Variants in SERINC5 observed in about 807,000 individuals in gnomAD.
The protein encoded by SERINC5 is chromosome 5 open reading frame 12.
SERINC5 carries 41 observed loss-of-function variants against 63.1 expected under a neutral mutation model. The observed-to-expected ratio is 0.65, with a 90% confidence interval of 0.51 to 0.84. The LOEUF is 0.84. SERINC5 is among the 40% of genes least tolerant of loss of function. SERINC5 has a pLI of 0.00. For synonymous variants in SERINC5, 222 were observed against 215.2 expected (o/e 1.03, Z -0.28); for missense variants, 523 against 573.0 (o/e 0.91, Z 0.89).
At chr5:80,176,676 A>T (rs893489246) in intron 4 of SERINC5, among the ~76,000 whole-genome samples, 1 of 152,138 alleles carries the variant, frequency 6.6e-6, no homozygotes, top group East Asian at 1.9e-4. Context: ...GCCTCAAGTG[A>T]TCCACCCACC....
At chr5:80,163,239 A>G (rs1316622012) in intron 7 of SERINC5, among the ~76,000 whole-genome samples, 3 of 152,092 alleles carry the variant, frequency 2.0e-5, no homozygotes, top group Admixed American at 1.3e-4. Context: ...GTTTTGGTGG[A>G]GCCTTTTGGG....
intron 5 of SERINC5, among the ~76,000 whole-genome samples, chr5:80,173,287 G>GAAGA: frequency 1.3e-5 from 2 of 148,644 alleles, no homozygotes; most frequent in Non-Finnish European, 3.0e-5. Context: ...GGAAGAAAAT[G>GAAGA]AAATGAAATG....
chr5:80,166,720 A>G, intron 6 of SERINC5: 2 of 360,080 alleles, frequency 5.6e-6, no homozygotes, highest in South Asian at 5.7e-5. Context: ...CAAGTTATCT[A>G]CCAATACTTT....
At chr5:80,118,472 G>A (rs1744416620) in intron 11 of SERINC5, among the ~76,000 whole-genome samples, 1 of 152,188 alleles carries the variant, frequency 6.6e-6, no homozygotes, top group South Asian at 2.1e-4. Flanking sequence ...AGTGTCTGGT[G>A]AGGTCTTTTA....
rs7725541 is a variant in SERINC5, at chr5:80,124,290, T to C, written c.1239-10665A>G. Among the ~76,000 whole-genome samples the C allele has an allele frequency of 2.3e-3, 351 of 152,306 alleles. 4 individuals are homozygous for C. Among genetic ancestry groups the C allele is most frequent in the African/African-American group, 8.0e-3 (331 of 41,560 alleles). ...CCAATCACATAGCATGCCGCACTTC[T>C]AGCTGGCCCACTTGCAGCTTCCCCG... On this transcript the variant is annotated intron_variant, in intron 11 of 12. Coordinates refer to the SERINC5 transcript ENST00000509193.
intron 2 of SERINC5, among the ~76,000 whole-genome samples, chr5:80,196,796 C>T (rs1337860245): frequency 2.0e-5 from 3 of 151,122 alleles, no homozygotes; most frequent in Non-Finnish European, 3.0e-5. Context: ...AAAAATTAAC[C>T]GGGCCTGGTA....
intron 2 of SERINC5, among the ~76,000 whole-genome samples, chr5:80,181,416 T>TTTGTG: frequency 6.9e-6 from 1 of 145,348 alleles, no homozygotes; most frequent in South Asian, 2.3e-4. Flanking sequence ...TCAGCTAATT[T>TTTGTG]TGTGTGTGTG....
chr5:80,163,376 A>G (rs1346220744), intron 7 of SERINC5, among the ~76,000 whole-genome samples: 2 of 152,132 alleles, frequency 1.3e-5, no homozygotes, highest in Non-Finnish European at 2.9e-5. Context: ...ACTATGGTGA[A>G]TAGGCATGGT....
At chr5:80,119,108 A>G (rs1255424999) in intron 11 of SERINC5, among the ~76,000 whole-genome samples, 2 of 152,062 alleles carry the variant, frequency 1.3e-5, no homozygotes, top group African/African-American at 4.8e-5. Context: ...ATATCTTTGA[A>G]CCTCAGCTTC....
chr5:80,182,542 CCG>C (rs1554065187), intron 2 of SERINC5, among the ~76,000 whole-genome samples: 3 of 43,406 alleles, frequency 6.9e-5, no homozygotes, highest in Non-Finnish European at 1.3e-4. Context: ...TATCATCTGA[CCG>C]CCCCCCCCCC....
intron 1 of SERINC5, among the ~76,000 whole-genome samples, chr5:80,246,636 T>C (rs1309086131): frequency 6.6e-6 from 1 of 152,170 alleles, no homozygotes; most frequent in Non-Finnish European, 1.5e-5. Flanking sequence ...AATTTTAATC[T>C]CACAAGGCAA....
intron 1 of SERINC5, among the ~76,000 whole-genome samples, chr5:80,206,811 C>CTT (rs35026792): frequency 0.18 from 21,409 of 117,560 alleles, 2,797 homozygotes; most frequent in East Asian, 0.55. Flanking sequence ...TCACTGATTG[C>CTT]TTTTTTTTTT....
intron 11 of SERINC5, among the ~76,000 whole-genome samples, chr5:80,120,606 G>A (rs1744502904): frequency 6.6e-6 from 1 of 152,062 alleles, no homozygotes; most frequent in African/African-American, 2.4e-5. Context: ...TTGAGGCCAG[G>A]AGTTTGAGAC....
chr5:80,166,459 G>C lies in SERINC5; in HGVS notation c.783C>G (p.Leu261=). The change falls in exon 7 of 12, where the codon CTC becomes CTG. Residue 261 remains leucine (L), a synonymous_variant. Coordinates refer to ENST00000507668, the MANE Select transcript of SERINC5 (RefSeq NM_001174072.3). ...WVQNRQPHSG[L]LQSGVISCYV... is the part of the protein sequence containing the mutation. ...AGCAGCTTATGACCCCTGATTGTAAGAGCCCCGAGTGTGGCTGTCCTGAAA... is the reference window on the plus strand; with the variant it reads ...AGCAGCTTATGACCCCTGATTGTAACAGCCCCGAGTGTGGCTGTCCTGAAA... 2 of 1,591,850 alleles carry C rather than the reference G, an allele frequency of 1.3e-6. No individual in the cohort carries two copies. The highest frequency in any genetic ancestry group is 1.3e-5 in the African/African-American group (1 of 74,584).
downstream of SERINC5, among the ~76,000 whole-genome samples, chr5:80,135,630 G>A (rs988020618): frequency 6.6e-6 from 1 of 152,104 alleles, no homozygotes; most frequent in African/African-American, 2.4e-5. Context: ...GATAGGTCAA[G>A]TAAAGTAAGG....
intron 1 of SERINC5, among the ~76,000 whole-genome samples, chr5:80,237,632 C>T (rs1051199483): frequency 1.3e-5 from 2 of 152,052 alleles, no homozygotes; most frequent in African/African-American, 4.8e-5. Context: ...ACCTCCCCAC[C>T]AGTTGCCAGT....
chr5:80,117,258 C>T (rs1200386720), intron 11 of SERINC5, among the ~76,000 whole-genome samples: 1 of 152,122 alleles, frequency 6.6e-6, no homozygotes, highest in Non-Finnish European at 1.5e-5. Context: ...GCCGTTTACT[C>T]ACAGTCCAAC....
rs1745385576 is a variant in SERINC5 at position 80,139,645 on chromosome 5, T to C, written c.*4018A>G. On this transcript the variant is annotated 3_prime_UTR_variant, in exon 12 of 12. Coordinates refer to ENST00000507668, the MANE Select transcript of SERINC5 (RefSeq NM_001174072.3). ...AACATCTGTGTGAACAGCTCTCCAG[T>C]ACTGTGAAGTCAAAGGCCCAACATT... is the stretch of plus-strand genomic sequence containing the variant. 1.0e-6 allele frequency: 1 copy of C among 980,110 alleles called. No individual in the cohort carries two copies. Among genetic ancestry groups the C allele is most frequent in the Non-Finnish European group, 1.2e-6 (1 of 829,752 alleles). 60.7% of individuals were successfully genotyped at this position (980,110 alleles called of 1,614,324 possible).
chr5:80,161,016 G>A (rs1005890790), intron 7 of SERINC5, among the ~76,000 whole-genome samples: 8 of 144,324 alleles, frequency 5.5e-5, no homozygotes, highest in South Asian at 2.2e-4. Context: ...GTATATATAC[G>A]TGTATATATA....
Sources: gnomAD v4.1 joint callset for allele counts (sites outside exome capture counted in the v4.1 genomes callset) on GRCh38, gnomAD v4.1.1 for gene constraint, MANE v1.5 for transcripts, NCBI Gene and HGNC (gene_info 2026-07-23, HGNC 2026-07-21) for gene names.